Variants in NDUFA10 observed in about 807,000 individuals in gnomAD.
The protein encoded by NDUFA10 is NADH dehydrogenase [ubiquinone] 1 alpha subcomplex subunit 10, mitochondrial.
In NDUFA10, 40 loss-of-function variants were observed where a neutral mutation model predicts 47.8. The ratio of observed to expected loss-of-function variants is 0.84; its 90% CI spans 0.65 to 1.09. The LOEUF (loss-of-function observed/expected upper bound fraction) is 1.09, where lower values mean the gene tolerates loss of function less well. Among genes scored for constraint, NDUFA10 ranks in the 50% least tolerant of loss-of-function variants. The pLI, the probability that NDUFA10 is intolerant of heterozygous loss-of-function variation, is 0.00. For synonymous variants in NDUFA10, 183 were observed against 172.2 expected (o/e 1.06, Z -0.49); for missense variants, 413 against 451.1 (o/e 0.92, Z 0.76).
chr2:239,954,814 G>GGTGGTGCT (rs71045921), downstream of NDUFA10, among the ~76,000 whole-genome samples: 2 of 151,648 alleles, frequency 1.3e-5, no homozygotes, highest in Admixed American at 1.3e-4. Flanking sequence ...CCCCCAAGTG[G>GGTGGTGCT]GTTGGCAGGT....
intron 4 of NDUFA10, among the ~76,000 whole-genome samples, chr2:239,912,413 A>G (rs1004306867): frequency 1.3e-5 from 2 of 152,124 alleles, no homozygotes; most frequent in African/African-American, 4.8e-5. Flanking sequence ...GTCAGCTCCT[A>G]CTTGGTGGTG....
At position 240,004,720 on chromosome 2, in the gene NDUFA10, C is replaced by T. The variant is rs79205316; in HGVS notation, c.890+490G>A. 8.5e-3 allele frequency among the ~76,000 whole-genome samples: 1,287 copies of T among 151,516 alleles called. 17 individuals are homozygous for T. Among genetic ancestry groups the T allele is most frequent in the African/African-American group, 0.03 (1,228 of 40,858 alleles). The stretch of plus-strand genomic sequence containing the variant: ...CCCACCACACTCCTGCCTGAAGAGC[C>T]TCTGCACCTGCCAAGCCCCTGCCCT... On this transcript the variant is annotated intron_variant, in intron 8 of 9. Coordinates refer to ENST00000252711, the MANE Select transcript of NDUFA10 (RefSeq NM_004544.4).
In NDUFA10 at chr2:239,917,121, G is replaced by C. The variant is rs961878418; in HGVS notation, c.295-21807C>G. ...GTGGGGTCTCAGGTTAGGCCAGGGAGGGGCTGACACTGAGCACCAAGGAAG... is the reference window on the plus strand; with the variant it reads ...GTGGGGTCTCAGGTTAGGCCAGGGACGGGCTGACACTGAGCACCAAGGAAG... On this transcript the variant is annotated intron_variant, in intron 4 of 5. Transcript: ENST00000419408. 1.4e-4 allele frequency among the ~76,000 whole-genome samples: 22 copies of C among 152,312 alleles called. No homozygotes were observed. In the Middle Eastern group the frequency reaches 0.027, roughly 188 times the overall value.
downstream of NDUFA10, among the ~76,000 whole-genome samples, chr2:239,953,551 C>T (rs893363805): frequency 6.6e-6 from 1 of 152,228 alleles, no homozygotes; most frequent in African/African-American, 2.4e-5. Context: ...GAGGGTTTCT[C>T]ACCCTGCAGG....
chr2:239,991,956 G>A (rs1312024795), intron 8 of NDUFA10, among the ~76,000 whole-genome samples: 1 of 152,070 alleles, frequency 6.6e-6, no homozygotes, highest in African/African-American at 2.4e-5. Context: ...TTAACAAGTA[G>A]GCTTCAAACT....
At chr2:239,939,369 A>AG (rs1694321691) in intron 4 of NDUFA10, among the ~76,000 whole-genome samples, 1 of 152,176 alleles carries the variant, frequency 6.6e-6, no homozygotes, top group Non-Finnish European at 1.5e-5. Flanking sequence ...GCGGAGAGAG[A>AG]GGGGTAGAAC....
At chr2:239,912,857 C>G (rs191772592) in intron 4 of NDUFA10, among the ~76,000 whole-genome samples, 1 of 152,226 alleles carries the variant, frequency 6.6e-6, no homozygotes, top group African/African-American at 2.4e-5. Flanking sequence ...ATCGGGTCCA[C>G]GTGCTGCCTC....
intron 8 of NDUFA10, 113 bp downstream of exon 8, chr2:240,005,097 G>A: frequency 1.1e-6 from 1 of 912,388 alleles, no homozygotes; most frequent in Non-Finnish European, 1.8e-6. Context: ...CTAAGTATTG[G>A]GTTGGTGCTG....
chr2:239,950,621 C>A (rs1005660297), intron 4 of NDUFA10, among the ~76,000 whole-genome samples: 1 of 152,336 alleles, frequency 6.6e-6, no homozygotes, highest in African/African-American at 2.4e-5. Context: ...AAGGTAAAAT[C>A]AAAGCAAACC....
At chr2:239,993,192 C>A (rs1696323732) in intron 8 of NDUFA10, among the ~76,000 whole-genome samples, 1 of 152,178 alleles carries the variant, frequency 6.6e-6, no homozygotes, top group African/African-American at 2.4e-5. Context: ...ATGAATGGTG[C>A]AGAATCGAAC....
rs74902877 is a variant in NDUFA10 at position 239,920,765 on chromosome 2, C to T, written c.295-25451G>A. ...GCTGTGGTTTTGTTTCTTGCTTTTT[C>T]TGCAGAATCAGCCCCAGCCACACCT... On this transcript the variant is annotated intron_variant, in intron 4 of 5. Coordinates refer to the NDUFA10 transcript ENST00000419408. Among the ~76,000 whole-genome samples the T allele has an allele frequency of 8.4e-3, 1,286 of 152,224 alleles. 16 individuals are homozygous for T. The highest frequency in any genetic ancestry group is 0.03 in the African/African-American group (1,234 of 41,546).
At chr2:239,918,423 ACACT>A (rs138889400) in intron 4 of NDUFA10, among the ~76,000 whole-genome samples, 3,847 of 152,266 alleles carry the variant, frequency 0.025, 143 homozygotes, top group African/African-American at 0.088. Flanking sequence ...GCCAGGCCTG[ACACT>A]CAGTACCAGT....
rs774520152 is a variant in NDUFA10 at position 240,025,328 on chromosome 2, G to A, written c.-27C>T. The A allele has an allele frequency of 1.5e-5, 22 of 1,480,096 alleles. No homozygotes were observed. The highest frequency in any genetic ancestry group is 2.6e-5 in the South Asian group (2 of 77,582). The allele number at this position is 1,480,096 out of a possible 1,614,324, so 91.7% of individuals were successfully genotyped here. A position where few individuals can be genotyped will look rare whatever the true frequency, so the allele number is the denominator to read the frequency against. ...GCTACCCGGTCAGCTCAGGATCAAG[G>A]ACCCAAGGGGACGCGGTCGCGACGG... On this transcript the variant is annotated 5_prime_UTR_variant, in exon 1 of 10. Transcript: ENST00000252711.
rs1559316854 is a variant in NDUFA10, at chr2:239,959,336, G to A, written c.*1782C>T. 2.1e-5 allele frequency: 21 copies of A among 985,392 alleles called. No homozygotes were observed. The highest frequency in any genetic ancestry group is 4.7e-5 in the South Asian group (1 of 21,274). The allele number at this position is 985,392 out of a possible 1,614,324, so 61.0% of individuals were successfully genotyped here. A position where few individuals can be genotyped will look rare whatever the true frequency, so the allele number is the denominator to read the frequency against. ...CCTCTCACTGCTGAGGACACTACCCGTGCAACCACCAAGGTTGAAGGAAAC... is the reference window on the plus strand; with the variant it reads ...CCTCTCACTGCTGAGGACACTACCCATGCAACCACCAAGGTTGAAGGAAAC... On this transcript the variant is annotated 3_prime_UTR_variant, in exon 10 of 10. Coordinates refer to ENST00000252711, the MANE Select transcript of NDUFA10 (RefSeq NM_004544.4).
rs1694481183 is a variant in NDUFA10 at position 239,947,831 on chromosome 2, C to T, written c.294+42243G>A. On this transcript the variant is annotated intron_variant, in intron 4 of 5. Coordinates refer to the NDUFA10 transcript ENST00000419408. ...CCCACGGCAGCGACATAACCTGTGGCCCCCAGTGCAAGATGAAAACGGGAG... is the reference window on the plus strand; with the variant it reads ...CCCACGGCAGCGACATAACCTGTGGTCCCCAGTGCAAGATGAAAACGGGAG... Among the ~76,000 whole-genome samples the T allele has an allele frequency of 2.6e-5, 4 of 152,248 alleles. No homozygotes were observed. The South Asian group carries it at 6.2e-4, about 24-fold the overall frequency.
chr2:240,013,304 T>G (rs1203193788), intron 5 of NDUFA10: 2 of 152,238 alleles, frequency 1.3e-5, no homozygotes, highest in Non-Finnish European at 2.9e-5. Flanking sequence ...TAATTTTACC[T>G]GATGACAGTA....
chr2:239,960,838 A>G lies in NDUFA10; in HGVS notation c.*280T>C. The G allele has an allele frequency of 7.4e-7, 1 of 1,349,336 alleles. No individual in the cohort carries two copies. Among genetic ancestry groups the G allele is most frequent in the South Asian group, 1.5e-5 (1 of 66,638 alleles). The allele number at this position is 1,349,336 out of a possible 1,614,324, so 83.6% of individuals were successfully genotyped here. A position where few individuals can be genotyped will look rare whatever the true frequency, so the allele number is the denominator to read the frequency against. On this transcript the variant is annotated 3_prime_UTR_variant, in exon 10 of 10. Coordinates refer to ENST00000252711, the MANE Select transcript of NDUFA10 (RefSeq NM_004544.4). ...AGCGCTGAAACCACAGGGGCTGCCG[A>G]GAGCTGGCCTTTCACAGCAGACCAC...
chr2:239,934,484 CATTTTA>C (rs1323293782), intron 4 of NDUFA10, among the ~76,000 whole-genome samples: 1 of 151,674 alleles, frequency 6.6e-6, no homozygotes, highest in South Asian at 2.1e-4. Context: ...ATCACCTTTT[CATTTTA>C]TTTTTTTATT....
chr2:239,898,030 A>G (rs1376518848), intron 4 of NDUFA10, among the ~76,000 whole-genome samples: 4 of 152,178 alleles, frequency 2.6e-5, no homozygotes, highest in Non-Finnish European at 5.9e-5. Context: ...CTAAGCTGGA[A>G]TATAGAGCCA....
Sources: allele counts gnomAD v4.1 joint callset (sites outside exome capture counted in the v4.1 genomes callset), GRCh38; gene constraint gnomAD v4.1.1; transcripts MANE v1.5; gene names NCBI Gene and HGNC (gene_info 2026-07-23, HGNC 2026-07-21).